Variants in PGAP1 observed in about 807,000 individuals in gnomAD.
PGAP1 encodes the protein post-GPI attachment to proteins inositol deacylase 1.
Under a neutral mutation model 127.0 loss-of-function variants are expected in PGAP1, and 76 were observed. That is an observed-to-expected ratio of 0.60 (90% confidence interval 0.50 to 0.72). PGAP1 has a LOEUF of 0.72. Ranked by LOEUF, PGAP1 falls within the 30% of genes least tolerant of loss-of-function variation. PGAP1 has a pLI of 0.00. For missense variants in PGAP1, 982 were observed against 1,071.3 expected (o/e 0.92, Z 1.16); for synonymous variants, 362 against 366.5 (o/e 0.99, Z 0.14).
intron 20 of PGAP1, among the ~76,000 whole-genome samples, chr2:196,861,616 G>A (rs199651602): frequency 4.6e-5 from 7 of 152,048 alleles, no homozygotes; most frequent in African/African-American, 9.7e-5. Context: ...CAGGCAGATC[G>A]CCTGAGGTCA....
At chr2:196,921,430 C>T (rs2125841485) in intron 1 of PGAP1, among the ~76,000 whole-genome samples, 1 of 152,210 alleles carries the variant, frequency 6.6e-6, no homozygotes, top group African/African-American at 2.4e-5. Context: ...AGTCCCAATA[C>T]TGATTGTGCA....
At chr2:196,890,762 G>T in intron 10 of PGAP1, 66 bp downstream of exon 10, 1 of 883,794 alleles carries the variant, frequency 1.1e-6, no homozygotes. Flanking sequence ...AGGTCTACCA[G>T]TAGAATTTGA....
chr2:196,915,915 C>A (rs996750081), intron 3 of PGAP1, among the ~76,000 whole-genome samples: 1 of 148,638 alleles, frequency 6.7e-6, no homozygotes, highest in Non-Finnish European at 1.5e-5. Context: ...TAAGTGATAT[C>A]AATGTACCTC....
chr2:196,926,046 A>T (rs1035416533), intron 1 of PGAP1, among the ~76,000 whole-genome samples: 4 of 152,018 alleles, frequency 2.6e-5, no homozygotes, highest in Admixed American at 6.6e-5. Context: ...GAAGCAAAGG[A>T]AGGTCCTGGG....
chr2:196,901,134 T>C (rs1702475504), intron 5 of PGAP1, among the ~76,000 whole-genome samples: 1 of 152,234 alleles, frequency 6.6e-6, no homozygotes, highest in African/African-American at 2.4e-5. Flanking sequence ...GACTAAATCG[T>C]CTGTGTTTAC....
At chr2:196,892,015 T>C (rs1184258585) in intron 9 of PGAP1, among the ~76,000 whole-genome samples, 2 of 151,922 alleles carry the variant, frequency 1.3e-5, no homozygotes, top group Non-Finnish European at 2.9e-5. Flanking sequence ...ACTTGGTATT[T>C]TTTTCAACAA....
chr2:196,924,822 A>G (rs1345265421), intron 1 of PGAP1, among the ~76,000 whole-genome samples: 8 of 152,298 alleles, frequency 5.3e-5, no homozygotes, highest in Middle Eastern at 3.4e-3. Context: ...TTTGTTCCCA[A>G]CGCTAAAGAG....
Position 196,833,558 on chromosome 2 carries a change from T to C in PGAP1, c.*7676A>G, listed in dbSNP as rs1394839545. ...AAAAATTGATGCAGGTTGAGAGCCA[T>C]TTATTTTATTACATACCCTTGCTCA... On this transcript the variant is annotated 3_prime_UTR_variant, in exon 27 of 27. Transcript: ENST00000354764. The C allele has an allele frequency of 6.6e-6, 1 of 152,198 alleles. No individual in the cohort carries two copies. Among genetic ancestry groups the C allele is most frequent in the African/African-American group, 2.4e-5 (1 of 41,468 alleles). The allele number at this position is 152,198 out of a possible 1,614,324, so 9.4% of individuals were successfully genotyped here.
chr2:196,877,619 A>C (rs770943590), intron 13 of PGAP1: 2 of 152,160 alleles, frequency 1.3e-5, no homozygotes, highest in Non-Finnish European at 2.9e-5. Context: ...GCAGATGCTG[A>C]ATTACCTCTT....
intron 19 of PGAP1, among the ~76,000 whole-genome samples, chr2:196,868,360 C>T (rs1045151214): frequency 2.0e-5 from 3 of 152,170 alleles, no homozygotes; most frequent in Admixed American, 6.5e-5. Context: ...AGAGGATCAT[C>T]GTTATGAGTA....
intron 12 of PGAP1, among the ~76,000 whole-genome samples, chr2:196,882,888 T>C (rs1701775649): frequency 6.6e-6 from 1 of 152,318 alleles, no homozygotes; most frequent in East Asian, 1.9e-4. Context: ...TCCAGTACTA[T>C]GCTGAATAGG....
At chr2:196,876,802 A>G (rs1394862604) in intron 13 of PGAP1, among the ~76,000 whole-genome samples, 1 of 152,072 alleles carries the variant, frequency 6.6e-6, no homozygotes, top group Non-Finnish European at 1.5e-5. Flanking sequence ...AGTGAAAAAC[A>G]GACAGGGAAA....
intron 26 of PGAP1, among the ~76,000 whole-genome samples, chr2:196,842,048 T>TA (rs576737159): frequency 0.013 from 1,659 of 127,346 alleles, 25 homozygotes; most frequent in African/African-American, 0.037. Context: ...ACCCTACTTA[T>TA]AAAAAAAAAA....
In PGAP1 at chr2:196,923,705, G is replaced by A. The variant is rs551375739; in HGVS notation, c.147+2765C>T. ...TGAGACAGAGTCTCACTGTCGCCCCGCCTGGAGTGAAATGGCACAATCTTG... is the reference window on the plus strand; with the variant it reads ...TGAGACAGAGTCTCACTGTCGCCCCACCTGGAGTGAAATGGCACAATCTTG... On this transcript the variant is annotated intron_variant, in intron 1 of 26. Transcript: ENST00000354764. 1.7e-3 allele frequency among the ~76,000 whole-genome samples: 246 copies of A among 142,920 alleles called. 1 individual carries two copies. Among genetic ancestry groups the A allele is most frequent in the Non-Finnish European group, 2.9e-3 (193 of 66,492 alleles). 93.8% of individuals were successfully genotyped at this position (142,920 alleles called of 152,430 possible).
chr2:196,834,292 T>C lies in PGAP1; in HGVS notation c.*6942A>G, dbSNP rs1700176443. 6.6e-6 allele frequency: 1 copy of C among 152,312 alleles called. No individual in the cohort carries two copies. The highest frequency in any genetic ancestry group is 2.4e-5 in the African/African-American group (1 of 41,460). 9.4% of individuals were successfully genotyped at this position (152,312 alleles called of 1,614,324 possible). A position where few individuals can be genotyped will look rare whatever the true frequency, so the allele number is the denominator to read the frequency against. ...AGAACTCTGAAAATTAAGGGAGGCCTCTACAGCAATAGTTCTGGAAATACT... is the reference window on the plus strand; with the variant it reads ...AGAACTCTGAAAATTAAGGGAGGCCCCTACAGCAATAGTTCTGGAAATACT... On this transcript the variant is annotated 3_prime_UTR_variant, in exon 27 of 27. Coordinates refer to ENST00000354764, the MANE Select transcript of PGAP1 (RefSeq NM_024989.4).
Position 196,902,571 on chromosome 2 carries a change from T to TAA in PGAP1, c.807+12_807+13dup. Reference sequence around the variant, plus strand: ...TTACATTACTATTTCAATAGAATCTTAAAAAAAGATTACCACAACAGATAA... The same window carrying TAA: ...TTACATTACTATTTCAATAGAATCTTAAAAAAAAAGATTACCACAACAGATAA... On this transcript the variant is annotated intron_variant, in intron 5 of 26. Transcript: ENST00000354764. The TAA allele has an allele frequency of 6.3e-7, 1 of 1,588,772 alleles. No individual in the cohort carries two copies. The highest frequency in any genetic ancestry group is 8.6e-7 in the Non-Finnish European group (1 of 1,168,460).
At chr2:196,893,779 C>T (rs1374240637) in intron 7 of PGAP1, among the ~76,000 whole-genome samples, 2 of 152,100 alleles carry the variant, frequency 1.3e-5, no homozygotes, top group African/African-American at 2.4e-5. Context: ...TATCCTTCTA[C>T]CTGTTTTTTA....
At chr2:196,876,759 T>C (rs1235940242) in intron 13 of PGAP1, among the ~76,000 whole-genome samples, 1 of 152,100 alleles carries the variant, frequency 6.6e-6, no homozygotes, top group African/African-American at 2.4e-5. Flanking sequence ...TTACTTTGTT[T>C]GCCTCTTGGG....
chr2:196,897,328 A>G (rs546433673), intron 6 of PGAP1, 131 bp from the exon 7 acceptor site: 1 of 478,520 alleles, frequency 2.1e-6, no homozygotes, highest in Non-Finnish European at 3.7e-6. Context: ...AAATTATGTA[A>G]CAAATCATTC....
Sources: allele counts gnomAD v4.1 joint callset (sites outside exome capture counted in the v4.1 genomes callset), GRCh38; gene constraint gnomAD v4.1.1; transcripts MANE v1.5; gene names NCBI Gene and HGNC (gene_info 2026-07-23, HGNC 2026-07-21).